Variants in TMEFF1 observed in about 807,000 individuals in gnomAD.
TMEFF1 encodes tomoregulin-1.
Under a neutral mutation model 47.5 loss-of-function variants are expected in TMEFF1, and 20 were observed. That is an observed-to-expected ratio of 0.42 (90% CI 0.30 to 0.61). TMEFF1 has a LOEUF of 0.61. Ranked by LOEUF, TMEFF1 falls within the 20% of genes least tolerant of loss-of-function variation. TMEFF1 has a pLI of 0.19. For missense variants in TMEFF1, 411 were observed against 471.1 expected (o/e 0.87, Z 1.18); for synonymous variants, 162 against 166.3 (o/e 0.97, Z 0.20).
intron 2 of TMEFF1, among the ~76,000 whole-genome samples, chr9:100,506,721 C>T (rs1420427951): frequency 1.4e-5 from 2 of 143,036 alleles, no homozygotes; most frequent in Admixed American, 1.5e-4. Context: ...GAGCCGAGAC[C>T]ATGCCACTGC....
intron 7 of TMEFF1, among the ~76,000 whole-genome samples, chr9:100,556,340 C>T (rs1838914541): frequency 1.3e-5 from 2 of 152,222 alleles, no homozygotes; most frequent in East Asian, 1.9e-4. Context: ...CATTTGGAGT[C>T]ATTTTTACAT....
chr9:100,501,279 A>G (rs1837753607), intron 2 of TMEFF1, among the ~76,000 whole-genome samples: 2 of 152,184 alleles, frequency 1.3e-5, no homozygotes, highest in African/African-American at 4.8e-5. Context: ...CAATAGCCTC[A>G]TATCAGATGT....
chr9:100,546,617 T>G (rs540231996), intron 5 of TMEFF1, among the ~76,000 whole-genome samples: 2 of 152,336 alleles, frequency 1.3e-5, no homozygotes, highest in African/African-American at 4.8e-5. Context: ...AATTGACCTT[T>G]CTCTGTGCCT....
chr9:100,474,337 G>A (rs1285844003), intron 1 of TMEFF1, among the ~76,000 whole-genome samples: 1 of 151,590 alleles, frequency 6.6e-6, no homozygotes, highest in African/African-American at 2.4e-5. Flanking sequence ...GTGTGCGCGC[G>A]CGCGCGCGTG....
intron 1 of TMEFF1, among the ~76,000 whole-genome samples, chr9:100,481,564 C>G (rs1303447895): frequency 6.6e-6 from 1 of 152,146 alleles, no homozygotes; most frequent in African/African-American, 2.4e-5. Flanking sequence ...CAAGGCCCAT[C>G]TGAAGTTTTG....
chr9:100,501,759 C>T (rs1247062789), intron 2 of TMEFF1, among the ~76,000 whole-genome samples: 8 of 152,108 alleles, frequency 5.3e-5, no homozygotes, highest in African/African-American at 1.9e-4. Flanking sequence ...ATTCTCCTGC[C>T]TCAGCCTCCC....
chr9:100,545,924 A>G (rs963714609), intron 5 of TMEFF1, among the ~76,000 whole-genome samples: 30 of 152,222 alleles, frequency 2.0e-4, no homozygotes, highest in African/African-American at 6.7e-4. Context: ...CAGGTTCCTC[A>G]TTTCCATCTG....
At chr9:100,563,227 A>G (rs1342440229) in intron 8 of TMEFF1, among the ~76,000 whole-genome samples, 1 of 152,220 alleles carries the variant, frequency 6.6e-6, no homozygotes, top group East Asian at 1.9e-4. Flanking sequence ...TGCTAGGATT[A>G]CAGGTGTGAG....
At chr9:100,483,303 C>A (rs775342929) in intron 1 of TMEFF1, among the ~76,000 whole-genome samples, 2 of 152,030 alleles carry the variant, frequency 1.3e-5, no homozygotes, top group Non-Finnish European at 2.9e-5. Context: ...TGGAGACCAG[C>A]CTGGCCAACA....
chr9:100,557,713 C>T (rs17741842), intron 7 of TMEFF1, among the ~76,000 whole-genome samples: 17,713 of 152,060 alleles, frequency 0.12, 1,157 homozygotes, highest in Middle Eastern at 0.18. Context: ...CATCTTTTGC[C>T]GTTTAATTGT....
intron 5 of TMEFF1, among the ~76,000 whole-genome samples, chr9:100,527,561 T>G (rs1396663751): frequency 1.3e-5 from 2 of 152,168 alleles, no homozygotes; most frequent in East Asian, 3.9e-4. Flanking sequence ...ACCACGAGAT[T>G]ATATCCCGCA....
chr9:100,514,261 C>T (rs1478646290), intron 4 of TMEFF1, among the ~76,000 whole-genome samples: 1 of 151,472 alleles, frequency 6.6e-6, no homozygotes, highest in Admixed American at 6.6e-5. Flanking sequence ...TGAAGGTCTC[C>T]TGGAGAATAG....
At chr9:100,504,170 C>T (rs1483681998) in intron 2 of TMEFF1, among the ~76,000 whole-genome samples, 1 of 152,166 alleles carries the variant, frequency 6.6e-6, no homozygotes, top group African/African-American at 2.4e-5. Flanking sequence ...TATAGAGGAG[C>T]AGACTTTAGG....
At position 100,498,220 on chromosome 9, in the gene TMEFF1, A is replaced by G. The variant is rs907122611; in HGVS notation, c.197-545A>G. ...ATTTTGAATCTCTTTAATTCTGTGT[A>G]CACAAATGCTCCATATTATTTATTG... On this transcript the variant is annotated intron_variant, in intron 1 of 9. Transcript: ENST00000374879. Among the ~76,000 whole-genome samples, 28 of 152,282 alleles carry G rather than the reference A, an allele frequency of 1.8e-4. 1 individual carries two copies. In the Middle Eastern group the frequency reaches 0.02, roughly 111 times the overall value.
chr9:100,538,583 A>G (rs1838564379), intron 5 of TMEFF1, among the ~76,000 whole-genome samples: 1 of 152,092 alleles, frequency 6.6e-6, no homozygotes, highest in South Asian at 2.1e-4. Context: ...TCCTTTCTTT[A>G]TATTTTATCA....
At chr9:100,527,747 A>C (rs1348985654) in intron 5 of TMEFF1, among the ~76,000 whole-genome samples, 2 of 152,238 alleles carry the variant, frequency 1.3e-5, no homozygotes, top group Non-Finnish European at 2.9e-5. Context: ...CCACAGCTCA[A>C]GGAGGCCTGC....
chr9:100,527,077 A>C (rs1207037591), intron 5 of TMEFF1, among the ~76,000 whole-genome samples: 2 of 149,826 alleles, frequency 1.3e-5, no homozygotes, highest in African/African-American at 2.5e-5. Context: ...CGAGAGGCGG[A>C]GGTTGCAGTG....
chr9:100,517,942 T>C (rs1429106181), intron 5 of TMEFF1, among the ~76,000 whole-genome samples: 1 of 152,260 alleles, frequency 6.6e-6, no homozygotes, highest in African/African-American at 2.4e-5. Context: ...TATGTGTCAG[T>C]ATTTTTCCTT....
chr9:100,508,808 G>C (rs1384093121), intron 2 of TMEFF1, among the ~76,000 whole-genome samples, 197 bp from the exon 3 acceptor site: 1 of 150,686 alleles, frequency 6.6e-6, no homozygotes, highest in Non-Finnish European at 1.5e-5. Context: ...TTGGATAGTT[G>C]GTAGTTATTT....
Sources: allele counts gnomAD v4.1 joint callset (sites outside exome capture counted in the v4.1 genomes callset), GRCh38; gene constraint gnomAD v4.1.1; transcripts MANE v1.5; gene names NCBI Gene and HGNC (gene_info 2026-07-23, HGNC 2026-07-21).